Variants in CA1 observed in about 807,000 individuals in gnomAD.
The protein encoded by CA1 is carbonate dehydratase I.
In CA1, 27 loss-of-function variants were observed where a neutral mutation model predicts 28.8. That is an observed-to-expected ratio of 0.94 (90% CI 0.69 to 1.29). The LOEUF is 1.29. Among genes scored for constraint, CA1 ranks in the 50% most tolerant of loss-of-function variants. The pLI, the probability that CA1 is intolerant of heterozygous loss-of-function variation, is 0.00. For missense variants in CA1, 335 were observed against 310.5 expected (o/e 1.08, Z -0.59); for synonymous variants, 121 against 108.8 (o/e 1.11, Z -0.70).
chr8:85,346,633 G>T (rs1809199159), intron 1 of CA1, among the ~76,000 whole-genome samples: 1 of 152,002 alleles, frequency 6.6e-6, no homozygotes, highest in Non-Finnish European at 1.5e-5. Context: ...GTGATGGTAG[G>T]CACCTGTAAT....
chr8:85,369,415 A>G (rs1463340209), intron 1 of CA1, among the ~76,000 whole-genome samples: 1 of 152,178 alleles, frequency 6.6e-6, no homozygotes, highest in Admixed American at 6.5e-5. Context: ...AACCTTGGCT[A>G]GTTAACCATC....
At chr8:85,342,956 G>A (rs1359313285) in intron 1 of CA1, 1 of 152,146 alleles carries the variant, frequency 6.6e-6, no homozygotes, top group African/African-American at 2.4e-5. Context: ...CATTCACAGA[G>A]TGGGAAGAGG....
At position 85,335,913 on chromosome 8, in the gene CA1, A is replaced by G. The variant is rs184853857; in HGVS notation, c.354+1032T>C. ...TCTGCTGATGTTCTATCAGAATAGA[A>G]GATACATATACTTTGTAACGTAGCA... On this transcript the variant is annotated intron_variant, in intron 4 of 7. Transcript: ENST00000523022. Among the ~76,000 whole-genome samples, 296 of 152,330 alleles carry G rather than the reference A, an allele frequency of 1.9e-3. 1 individual carries two copies. The highest frequency in any genetic ancestry group is 6.8e-3 in the Middle Eastern group (2 of 294).
chr8:85,375,870 C>T (rs118076133), intron 1 of CA1, among the ~76,000 whole-genome samples: 4 of 152,144 alleles, frequency 2.6e-5, no homozygotes, highest in South Asian at 4.2e-4. Flanking sequence ...GTGTTAATCA[C>T]GTAGGGAATG....
intron 1 of CA1, among the ~76,000 whole-genome samples, chr8:85,350,662 A>G (rs1809373978): frequency 6.6e-6 from 1 of 152,124 alleles, no homozygotes; most frequent in Admixed American, 6.6e-5. Context: ...GGCAGCCAGA[A>G]CTAGTCTGGT....
intron 1 of CA1, among the ~76,000 whole-genome samples, chr8:85,344,235 AATATATAATTATATATT>A (rs1809062647): frequency 9.9e-6 from 1 of 100,932 alleles, no homozygotes; most frequent in Non-Finnish European, 1.8e-5. Flanking sequence ...TACAGTATAT[AATATATAATTATATATT>A]ATATACAGTA....
chr8:85,343,742 G>A (rs1243816725), intron 1 of CA1, among the ~76,000 whole-genome samples: 1 of 152,052 alleles, frequency 6.6e-6, no homozygotes, highest in Non-Finnish European at 1.5e-5. Context: ...TTTAGGCACA[G>A]AATGACACTG....
At chr8:85,374,095 C>A (rs1178860858) in intron 1 of CA1, among the ~76,000 whole-genome samples, 1 of 151,478 alleles carries the variant, frequency 6.6e-6, no homozygotes, top group Non-Finnish European at 1.5e-5. Flanking sequence ...AATTTTACCA[C>A]AAAAAGAATA....
intron 1 of CA1, among the ~76,000 whole-genome samples, chr8:85,356,313 C>A (rs145262174): frequency 6.6e-6 from 1 of 152,132 alleles, no homozygotes; most frequent in African/African-American, 2.4e-5. Flanking sequence ...CAATAACAAC[C>A]TTACACAGTT....
intron 1 of CA1, among the ~76,000 whole-genome samples, chr8:85,368,361 G>C (rs960145660): frequency 1.5e-4 from 23 of 151,580 alleles, no homozygotes; most frequent in Non-Finnish European, 8.8e-5. Flanking sequence ...GTAGAGATGA[G>C]GTTTCACCAT....
chr8:85,374,025 A>G (rs1394161553), intron 1 of CA1, among the ~76,000 whole-genome samples: 1 of 152,164 alleles, frequency 6.6e-6, no homozygotes, highest in Non-Finnish European at 1.5e-5. Flanking sequence ...TTGCACAGCA[A>G]CGTCAATGTA....
At chr8:85,365,844 A>C (rs1423950555) in intron 1 of CA1, among the ~76,000 whole-genome samples, 1 of 152,200 alleles carries the variant, frequency 6.6e-6, no homozygotes. Flanking sequence ...CAGTAGAATA[A>C]GGAAGGCCTA....
rs149071708 is a variant in CA1, at chr8:85,357,300, G to A, written c.-24-15641C>T. 2.6e-4 allele frequency among the ~76,000 whole-genome samples: 39 copies of A among 152,282 alleles called. No homozygotes were observed. The East Asian group carries it at 7.5e-3, about 29-fold the overall frequency. The stretch of plus-strand genomic sequence containing the variant: ...GAGCGGGTCAACACAAAGGCAACGT[G>A]TCTGGTAGGAAGATCATCAGATCCA... On this transcript the variant is annotated intron_variant, in intron 1 of 7. Transcript: ENST00000523022.
chr8:85,353,864 T>A (rs1809502566), intron 1 of CA1, among the ~76,000 whole-genome samples: 1 of 152,242 alleles, frequency 6.6e-6, no homozygotes, highest in Non-Finnish European at 1.5e-5. Flanking sequence ...TATGAATACC[T>A]TGTAAATAAA....
chr8:85,332,305 C>T (rs1564019550), intron 6 of CA1, 185 bp downstream of exon 6: 1 of 574,702 alleles, frequency 1.7e-6, no homozygotes, highest in Non-Finnish European at 3.1e-6. Context: ...AAACAGAAAA[C>T]CAAAACAATT....
chr8:85,338,429 G>C lies in CA1; in HGVS notation c.58C>G (p.Leu20Val), dbSNP rs1012794502. 1.2e-6 allele frequency: 2 copies of C among 1,613,740 alleles called. No individual in the cohort carries two copies. Among genetic ancestry groups the C allele is most frequent in the Admixed American group, 3.3e-5 (2 of 59,984 alleles). ...TTATTTCCATTGGCAATGGGATACA[G>C]CTTGCTCCATTGTTCAGGACCTACC... ...DKNGPEQWSK[L>V]YPIANGNNQS... The change falls in exon 3 of 8, where the codon CTG (leucine) becomes GTG (valine). Residue 20 changes from leucine to valine, a missense_variant. Physicochemically the swap from Leu to Val is conservative, Grantham distance 32 (BLOSUM62 1). Coordinates refer to ENST00000523022, the MANE Select transcript of CA1 (RefSeq NM_001128831.4).
intron 1 of CA1, among the ~76,000 whole-genome samples, chr8:85,371,462 T>C (rs1037788227): frequency 1.3e-5 from 2 of 152,148 alleles, no homozygotes; most frequent in Non-Finnish European, 2.9e-5. Context: ...TGGGCTTTCA[T>C]GAATCCTAAG....
intron 1 of CA1, among the ~76,000 whole-genome samples, chr8:85,357,773 A>G (rs1441685293): frequency 6.6e-6 from 1 of 152,138 alleles, no homozygotes; most frequent in African/African-American, 2.4e-5. Flanking sequence ...AAGAGTCCAA[A>G]GAACCCCTGA....
At chr8:85,350,855 G>C (rs1015359916) in intron 1 of CA1, among the ~76,000 whole-genome samples, 2 of 152,144 alleles carry the variant, frequency 1.3e-5, no homozygotes, top group African/African-American at 4.8e-5. Flanking sequence ...GCAGTGATTC[G>C]ATCTGGGGAA....
Sources: allele counts gnomAD v4.1 joint callset (sites outside exome capture counted in the v4.1 genomes callset), GRCh38; gene constraint gnomAD v4.1.1; transcripts MANE v1.5; gene names NCBI Gene and HGNC (gene_info 2026-07-23, HGNC 2026-07-21).